The following LILRA2 variants were observed in gnomAD, a reference collection of about 807,000 sequenced individuals.
LILRA2 encodes leukocyte immunoglobulin-like receptor subfamily A member 2.
In LILRA2, 45 loss-of-function variants were observed where a neutral mutation model predicts 47.9. That is an observed-to-expected ratio of 0.94 (90% CI 0.74 to 1.20). The LOEUF (loss-of-function observed/expected upper bound fraction) is 1.20. LILRA2 is among the 50% of genes most tolerant of loss of function. The pLI is 0.00. For synonymous variants in LILRA2, 279 were observed against 249.2 expected (o/e 1.12, Z -1.13); for missense variants, 651 against 598.2 (o/e 1.09, Z -0.92).
At chr19:54,576,585 G>A (rs1240036750) in intron 6 of LILRA2, among the ~76,000 whole-genome samples, 4 of 147,998 alleles carry the variant, frequency 2.7e-5, no homozygotes, top group African/African-American at 1.1e-4. Context: ...CAGTAAGGGT[G>A]TGGTCTGCGT....
In LILRA2 at chr19:54,575,914, C is replaced by A. The variant is rs2062405685; in HGVS notation, c.1060C>A (p.Leu354Ile). 1.2e-6 allele frequency: 2 copies of A among 1,613,986 alleles called. No individual in the cohort carries two copies. Among genetic ancestry groups the A allele is most frequent in the African/African-American group, 2.7e-5 (2 of 74,952 alleles). The change falls in exon 6 of 8, where the codon CTT becomes ATT. Residue 354 changes from leucine (L) to isoleucine (I), a missense_variant. Coordinates refer to ENST00000391738, the MANE Select transcript of LILRA2 (RefSeq NM_001130917.3). ...CQSRGQFHTFLLTKEGAGHPP... is the reference protein window; with the variant it reads ...CQSRGQFHTFILTKEGAGHPP... ...GTCACGGGGGCAGTTCCACACTTTC[C>A]TTCTGACCAAGGAGGGGGCAGGCCA...
rs34448127 is a variant in LILRA2 at position 54,587,586 on chromosome 19, CT to C, written c.*247del. On this transcript the variant is annotated 3_prime_UTR_variant, in exon 8 of 8. Transcript: ENST00000391738. ...TGTTGACTTCCCTTGACTGGATCCC[CT>C]TTTTTTCCCATCCCCAGACATGAGG... is the stretch of plus-strand genomic sequence containing the variant. 3.9e-5 allele frequency: 27 copies of C among 686,794 alleles called. No individual in the cohort carries two copies. Among genetic ancestry groups the C allele is most frequent in the South Asian group, 6.3e-5 (3 of 47,850 alleles). The allele number at this position is 686,794 out of a possible 1,614,324, so 42.5% of individuals were successfully genotyped here.
At chr19:54,584,979 G>A (rs2062754236) in intron 6 of LILRA2, among the ~76,000 whole-genome samples, 2 of 152,146 alleles carry the variant, frequency 1.3e-5, no homozygotes, top group African/African-American at 4.8e-5. Context: ...CCTTTTTGTT[G>A]ACATTGATGC....
chr19:54,576,574 A>T (rs113526904), intron 6 of LILRA2, among the ~76,000 whole-genome samples: 519 of 152,226 alleles, frequency 3.4e-3, no homozygotes, highest in African/African-American at 0.011. Flanking sequence ...GGGAGGGTGG[A>T]CAGTAAGGGT....
At chr19:54,584,978 T>G (rs1330065128) in intron 6 of LILRA2, among the ~76,000 whole-genome samples, 3 of 152,222 alleles carry the variant, frequency 2.0e-5, no homozygotes, top group African/African-American at 7.2e-5. Flanking sequence ...TCCTTTTTGT[T>G]GACATTGATG....
Position 54,587,325 on chromosome 19 carries a change from A to T in LILRA2, c.1431A>T (p.Leu477=). 1 of 1,614,142 alleles carries T rather than the reference A, an allele frequency of 6.2e-7. No homozygotes were observed. Among genetic ancestry groups the T allele is most frequent in the Non-Finnish European group, 8.5e-7 (1 of 1,180,020 alleles). The change falls in exon 8 of 8, where the codon CTA becomes CTT. Residue 477 remains leucine, a synonymous_variant. Coordinates refer to ENST00000391738, the MANE Select transcript of LILRA2 (RefSeq NM_001130917.3). ...LFEAQHSQRS[L]QDAAGR ...AGGCTCAGCACAGCCAGAGAAGCCTACAAGATGCAGCCGGGAGGTGAACAG... is the reference window on the plus strand; with the variant it reads ...AGGCTCAGCACAGCCAGAGAAGCCTTCAAGATGCAGCCGGGAGGTGAACAG...
intron 6 of LILRA2, among the ~76,000 whole-genome samples, chr19:54,581,668 A>G (rs2062637480): frequency 6.6e-6 from 1 of 151,642 alleles, no homozygotes; most frequent in Non-Finnish European, 1.5e-5. Context: ...ATAAAAGAGG[A>G]CACAAACAAA....
Position 54,588,406 on chromosome 19 carries a change from A to C in LILRA2, c.*1060A>C, listed in dbSNP as rs1431961347. ...ATCACGAGGTCAGGAGATCTAGACCATCCTGGCTAACATGGTGAAACCCCG... is the reference window on the plus strand; with the variant it reads ...ATCACGAGGTCAGGAGATCTAGACCCTCCTGGCTAACATGGTGAAACCCCG... On this transcript the variant is annotated 3_prime_UTR_variant, in exon 8 of 8. Transcript: ENST00000391738. 6.6e-6 allele frequency: 1 copy of C among 151,994 alleles called. No homozygotes were observed. 9.4% of individuals were successfully genotyped at this position (151,994 alleles called of 1,614,324 possible). A position where few individuals can be genotyped will look rare whatever the true frequency, so the allele number is the denominator to read the frequency against.
rs1170278672 is a variant in LILRA2, at chr19:54,575,372, G to A, written c.772G>A (p.Glu258Lys). Reference protein sequence around the residue: ...VGYDRFVLYKEGERDFLQRPG... With the variant: ...VGYDRFVLYKKGERDFLQRPG... ...CTACGACAGATTTGTTCTGTATAAG[G>A]AGGGAGAACGTGACTTCCTCCAGCG... The change falls in exon 5 of 8, where the codon GAG becomes AAG. Residue 258 changes from glutamate (E) to lysine (K), a missense_variant. Transcript: ENST00000391738. The A allele has an allele frequency of 1.9e-6, 3 of 1,614,146 alleles. No individual in the cohort carries two copies. Among genetic ancestry groups the A allele is most frequent in the Non-Finnish European group, 2.5e-6 (3 of 1,180,000 alleles).
At chr19:54,575,705 G>A (rs1357517209) in intron 5 of LILRA2, 102 bp from the exon 6 acceptor site, 1 of 1,581,114 alleles carries the variant, frequency 6.3e-7, no homozygotes, top group South Asian at 1.1e-5. Flanking sequence ...GAGACTCAGA[G>A]AAAACAGAGA....
At chr19:54,583,389 T>G (rs2062700519) in intron 6 of LILRA2, among the ~76,000 whole-genome samples, 2 of 152,202 alleles carry the variant, frequency 1.3e-5, no homozygotes, top group East Asian at 3.8e-4. Context: ...AGTCTCCTAT[T>G]ATTATTGTGT....
chr19:54,584,138 T>A (rs912605854), intron 6 of LILRA2, among the ~76,000 whole-genome samples: 3 of 152,228 alleles, frequency 2.0e-5, no homozygotes, highest in African/African-American at 7.2e-5. Flanking sequence ...TGCCAAGAGA[T>A]CCGCTGTTAG....
intron 6 of LILRA2, among the ~76,000 whole-genome samples, chr19:54,577,222 T>A (rs1478579482): frequency 6.7e-6 from 1 of 149,886 alleles, no homozygotes; most frequent in African/African-American, 2.5e-5. Context: ...AGAAAATGTC[T>A]CCAATTTTCT....
intron 6 of LILRA2, among the ~76,000 whole-genome samples, chr19:54,576,785 C>G (rs1370599650): frequency 6.6e-6 from 1 of 152,252 alleles, no homozygotes; most frequent in Non-Finnish European, 1.5e-5. Flanking sequence ...GGTACTTGGT[C>G]TAGGAGTCAG....
At chr19:54,579,913 CTAT>C (rs1266944455) in intron 6 of LILRA2, among the ~76,000 whole-genome samples, 3 of 152,060 alleles carry the variant, frequency 2.0e-5, no homozygotes, top group Non-Finnish European at 4.4e-5. Context: ...CTCTGTTTGT[CTAT>C]TATTGGTTTA....
At chr19:54,581,838 A>C (rs959259662) in intron 6 of LILRA2, among the ~76,000 whole-genome samples, 18 of 149,256 alleles carry the variant, frequency 1.2e-4, no homozygotes, top group Non-Finnish European at 2.5e-4. Flanking sequence ...ATGGAACCAA[A>C]AAAGAGCCCG....
chr19:54,575,044 C>G lies in LILRA2; in HGVS notation c.655+11C>G. 6.2e-7 allele frequency: 1 copy of G among 1,610,302 alleles called. No homozygotes were observed. The highest frequency in any genetic ancestry group is 8.5e-7 in the Non-Finnish European group (1 of 1,177,694). On this transcript the variant is annotated intron_variant, in intron 4 of 7. Coordinates refer to ENST00000391738, the MANE Select transcript of LILRA2 (RefSeq NM_001130917.3). ...AGCTCCTGGTCCCAGGTGAGAAATT[C>G]ACAGAATTGCTTGGAGTTCCCTGAG...
intron 4 of LILRA2, 49 bp from the exon 5 acceptor site, chr19:54,575,207 G>A: frequency 6.4e-7 from 1 of 1,568,548 alleles, no homozygotes; most frequent in Non-Finnish European, 8.7e-7. Context: ...GAGGGTTTGT[G>A]GGGAAGCCTG....
In LILRA2 at chr19:54,587,277, G is replaced by A; in HGVS notation, c.1383G>A (p.Val461=). ...TGGGTGTGGCTGGCTTGGTCCTGGT[G>A]GTCCTCGGGATTCTGCTATTTGAGG... ...IRMGVAGLVL[V]VLGILLFEAQ... is the part of the protein sequence containing the mutation. The change falls in exon 8 of 8, where the codon GTG becomes GTA. Residue 461 remains valine, a synonymous_variant. Coordinates refer to ENST00000391738, the MANE Select transcript of LILRA2 (RefSeq NM_001130917.3). 6.2e-7 allele frequency: 1 copy of A among 1,614,124 alleles called. No homozygotes were observed. The highest frequency in any genetic ancestry group is 1.3e-5 in the African/African-American group (1 of 75,022).
Sources: gnomAD v4.1 joint callset for allele counts (sites outside exome capture counted in the v4.1 genomes callset) on GRCh38, gnomAD v4.1.1 for gene constraint, MANE v1.5 for transcripts, NCBI Gene and HGNC (gene_info 2026-07-23, HGNC 2026-07-21) for gene names.